PTPRT: variants seen among roughly 807,000 people sequenced by gnomAD.
PTPRT encodes the protein protein tyrosine phosphatase receptor type T.
PTPRT carries 56 observed loss-of-function variants against 176.8 expected under a neutral mutation model. That is an observed-to-expected ratio of 0.32 (90% CI 0.26 to 0.40). PTPRT has a LOEUF of 0.40. Among genes scored for constraint, PTPRT ranks in the 10% least tolerant of loss-of-function variants. The pLI is 1.00. For missense variants in PTPRT, 1,540 were observed against 1,908.2 expected (o/e 0.81, Z 3.60); for synonymous variants, 783 against 739.0 (o/e 1.06, Z -0.96).
chr20:42,553,996 C>T (rs1203874431), intron 7 of PTPRT, among the ~76,000 whole-genome samples: 1 of 151,984 alleles, frequency 6.6e-6, no homozygotes, highest in Non-Finnish European at 1.5e-5. Flanking sequence ...TCACCAAGGC[C>T]GCAGAAAGTG....
intron 1 of PTPRT, among the ~76,000 whole-genome samples, chr20:43,173,386 T>C (rs2015050846): frequency 6.6e-6 from 1 of 152,230 alleles, no homozygotes; most frequent in South Asian, 2.1e-4. Context: ...GGCCCTTATA[T>C]CTCAGAATCA....
chr20:42,366,418 C>T (rs2058515109), intron 9 of PTPRT, among the ~76,000 whole-genome samples: 1 of 152,222 alleles, frequency 6.6e-6, no homozygotes, highest in Admixed American at 6.5e-5. Flanking sequence ...CTGAGAGATT[C>T]TGGCACTTGC....
chr20:42,448,345 G>T lies in PTPRT; in HGVS notation c.1451-16C>A, dbSNP rs754461263. The T allele has an allele frequency of 6.3e-7, 1 of 1,576,204 alleles. No homozygotes were observed. The highest frequency in any genetic ancestry group is 8.7e-7 in the Non-Finnish European group (1 of 1,145,728). ...GCTCCTGGAACTACAGAATGGAAAA[G>T]TTATGAACTTGATGTCACCTTCCAC... is the stretch of plus-strand genomic sequence containing the variant. On this transcript the variant is annotated splice_polypyrimidine_tract_variant and intron_variant, in intron 8 of 30. Transcript: ENST00000373187.
At position 42,482,591 on chromosome 20, in the gene PTPRT, A is replaced by G. The variant is rs2071405787; in HGVS notation, c.1154-10029T>C. 2.0e-5 allele frequency among the ~76,000 whole-genome samples: 3 copies of G among 152,278 alleles called. No homozygotes were observed. The South Asian group carries it at 6.2e-4, about 32-fold the overall frequency. On this transcript the variant is annotated intron_variant, in intron 7 of 30. Transcript: ENST00000373187. Reference sequence around the variant, plus strand: ...TTCTAGTGGGGGTAGGAGATTAAATAATATATCAGATAAATCAGAAAAGTA... The same window carrying G: ...TTCTAGTGGGGGTAGGAGATTAAATGATATATCAGATAAATCAGAAAAGTA...
intron 12 of PTPRT, among the ~76,000 whole-genome samples, chr20:42,312,385 T>G (rs2057647296): frequency 6.6e-6 from 1 of 152,210 alleles, no homozygotes; most frequent in Admixed American, 6.5e-5. Flanking sequence ...CTGCTGCCCT[T>G]TATGATATGG....
At chr20:42,466,318 A>T (rs1346561703) in intron 8 of PTPRT, among the ~76,000 whole-genome samples, 1 of 152,224 alleles carries the variant, frequency 6.6e-6, no homozygotes, top group Non-Finnish European at 1.5e-5. Context: ...ACTGTTTTGC[A>T]TATTAAAAAC....
intron 9 of PTPRT, among the ~76,000 whole-genome samples, chr20:42,417,770 C>A (rs1429021065): frequency 6.6e-6 from 1 of 151,510 alleles, no homozygotes; most frequent in East Asian, 1.9e-4. Context: ...CAAAGTCTCA[C>A]TCTCTCACCC....
Position 42,073,577 on chromosome 20 carries a change from G to C in PTPRT, c.*7302C>G, listed in dbSNP as rs186229253. 4.6e-6 allele frequency: 1 copy of C among 218,546 alleles called. No homozygotes were observed. Among genetic ancestry groups the C allele is most frequent in the African/African-American group, 2.3e-5 (1 of 44,206 alleles). The allele number at this position is 218,546 out of a possible 1,614,324, so 13.5% of individuals were successfully genotyped here. A position where few individuals can be genotyped will look rare whatever the true frequency, so the allele number is the denominator to read the frequency against. ...CATGGCCCTGTTGGTCAGTGGGTCT[G>C]AGTTATGGCTGCTCTCATGAGAGAT... On this transcript the variant is annotated 3_prime_UTR_variant, in exon 31 of 31. Coordinates refer to ENST00000373187, the MANE Select transcript of PTPRT (RefSeq NM_007050.6).
In PTPRT at chr20:42,448,380, C is replaced by T. The variant is rs1451703999; in HGVS notation, c.1451-51G>A. The T allele has an allele frequency of 2.1e-6, 3 of 1,396,974 alleles. No individual in the cohort carries two copies. In the African/African-American group the frequency reaches 4.3e-5, roughly 20 times the overall value. The allele number at this position is 1,396,974 out of a possible 1,614,324, so 86.5% of individuals were successfully genotyped here. Reference sequence around the variant, plus strand: ...TGATGTCACCTTCCACATCATTTCTCCAGCCCCGCTGACCTAGAACAGGGG... The same window carrying T: ...TGATGTCACCTTCCACATCATTTCTTCAGCCCCGCTGACCTAGAACAGGGG... On this transcript the variant is annotated intron_variant, in intron 8 of 30. Coordinates refer to ENST00000373187, the MANE Select transcript of PTPRT (RefSeq NM_007050.6).
intron 17 of PTPRT, among the ~76,000 whole-genome samples, chr20:42,156,123 A>G (rs1054436762): frequency 6.6e-6 from 1 of 151,810 alleles, no homozygotes; most frequent in South Asian, 2.1e-4. Context: ...TCCCTTCTTT[A>G]ATTTGGTTCT....
chr20:42,346,144 G>A (rs2058191763), intron 11 of PTPRT, among the ~76,000 whole-genome samples: 1 of 152,100 alleles, frequency 6.6e-6, no homozygotes, highest in African/African-American at 2.4e-5. Flanking sequence ...AGAGAGCTTG[G>A]CCCAGGTTCT....
At chr20:42,052,060 C>T in the PTPRT span, among the ~76,000 whole-genome samples, 13 of 152,322 alleles carry the variant, frequency 8.5e-5, no homozygotes, top group Admixed American at 3.3e-4. Context: ...CTTAGACTCC[C>T]GGTGCTGACT....
At chr20:42,813,778 C>T (rs991374106) in intron 2 of PTPRT, among the ~76,000 whole-genome samples, 3 of 152,136 alleles carry the variant, frequency 2.0e-5, no homozygotes, top group Admixed American at 2.0e-4. Flanking sequence ...TACTGGGCAT[C>T]TGTTTCTTCT....
intron 9 of PTPRT, among the ~76,000 whole-genome samples, chr20:42,436,742 C>T (rs926625067): frequency 6.6e-6 from 1 of 152,202 alleles, no homozygotes; most frequent in African/African-American, 2.4e-5. Flanking sequence ...CATTTCATCA[C>T]TGCTGATAAA....
intron 16 of PTPRT, among the ~76,000 whole-genome samples, chr20:42,174,776 C>T (rs1474740679): frequency 6.6e-6 from 1 of 152,180 alleles, no homozygotes; most frequent in Admixed American, 6.5e-5. Context: ...AGAACCCTGA[C>T]ACCATCACCT....
chr20:42,837,001 C>G (rs930359852), intron 2 of PTPRT, among the ~76,000 whole-genome samples: 8 of 152,188 alleles, frequency 5.3e-5, no homozygotes, highest in Non-Finnish European at 1.2e-4. Flanking sequence ...CAGTCTGAGG[C>G]CAGACTTAAC....
Position 42,756,524 on chromosome 20 carries a change from C to G in PTPRT, c.797G>C (p.Arg266Pro). ...DTAQRSVSKY[R>P]CVIRSDGGSG... ...CCCACCATCAGAGCGGATCACACAG[C>G]GGTACTTGCTGACGCTCCGCTGGGC... is the stretch of plus-strand genomic sequence containing the variant. Residue 266 changes from arginine (R) to proline (P), a missense_variant, in exon 6 of 31, where the codon CGC becomes CCC. Arg to Pro is a moderately radical substitution (Grantham distance 103). This residue lies in a region of PTPRT where 273 missense variants were observed against 432.1 expected (regional missense o/e 0.63). Transcript: ENST00000373187. 6.2e-7 allele frequency: 1 copy of G among 1,612,224 alleles called. No homozygotes were observed. Among genetic ancestry groups the G allele is most frequent in the Non-Finnish European group, 8.5e-7 (1 of 1,178,784 alleles).
the PTPRT span, among the ~76,000 whole-genome samples, chr20:42,046,756 A>C: frequency 0.086 from 12,942 of 150,676 alleles, 1,489 homozygotes; most frequent in African/African-American, 0.26. Flanking sequence ...TTACGTGTAC[A>C]CATTGAAAAG....
At chr20:42,058,752 G>A in the PTPRT span, among the ~76,000 whole-genome samples, 1 of 152,174 alleles carries the variant, frequency 6.6e-6, no homozygotes, top group Non-Finnish European at 1.5e-5. Context: ...ATAGAGCCCA[G>A]GCATCCTTCT....
Sources: gnomAD v4.1 joint callset for allele counts (sites outside exome capture counted in the v4.1 genomes callset) on GRCh38, gnomAD v4.1.1 for gene constraint, gnomAD v4.1.1 regional missense constraint, MANE v1.5 for transcripts, NCBI Gene and HGNC (gene_info 2026-07-23, HGNC 2026-07-21) for gene names.